EPM2A: variants seen among roughly 807,000 people sequenced by gnomAD.
EPM2A encodes the protein EPM2A glucan phosphatase, laforin, also known as laforin.
A neutral mutation model predicts 26.5 loss-of-function variants in EPM2A; 21 were observed. The observed-to-expected ratio is 0.79, with a 90% CI of 0.56 to 1.14. The LOEUF (loss-of-function observed/expected upper bound fraction) is 1.14. Among genes scored for constraint, EPM2A ranks in the 50% most tolerant of loss-of-function variants. The pLI, the probability that EPM2A is intolerant of heterozygous loss-of-function variation, is 0.00. For missense variants in EPM2A, 458 were observed against 440.8 expected (o/e 1.04, Z -0.35); for synonymous variants, 217 against 177.6 (o/e 1.22, Z -1.76).
chr6:145,697,948 G>C (rs972951061), intron 1 of EPM2A, among the ~76,000 whole-genome samples: 3 of 152,202 alleles, frequency 2.0e-5, no homozygotes, highest in Admixed American at 2.0e-4. Flanking sequence ...GATTAAGAAA[G>C]TAAAGACAGG....
intron 3 of EPM2A, among the ~76,000 whole-genome samples, chr6:145,633,392 G>A (rs1776412491): frequency 6.6e-6 from 1 of 152,184 alleles, no homozygotes; most frequent in African/African-American, 2.4e-5. Flanking sequence ...CAACCAATGT[G>A]CATCTTCGCA....
chr6:145,406,869 G>A (rs1189480312), intron 4 of EPM2A, among the ~76,000 whole-genome samples: 1 of 152,098 alleles, frequency 6.6e-6, no homozygotes, highest in Non-Finnish European at 1.5e-5. Context: ...TAGAAACTCT[G>A]GGAGTAGACA....
intron 4 of EPM2A, among the ~76,000 whole-genome samples, chr6:145,414,383 C>T (rs1372909621): frequency 6.6e-6 from 1 of 151,822 alleles, no homozygotes; most frequent in African/African-American, 2.4e-5. Flanking sequence ...GCACACATCT[C>T]CCCTGCCCTG....
At chr6:145,580,402 T>TC (rs1781096003) in intron 2 of EPM2A, among the ~76,000 whole-genome samples, 3 of 152,228 alleles carry the variant, frequency 2.0e-5, no homozygotes, top group Non-Finnish European at 2.9e-5. Flanking sequence ...CTCAGTCTGA[T>TC]ACTCTTGTAT....
At chr6:145,562,684 C>T (rs1330009173) in intron 2 of EPM2A, among the ~76,000 whole-genome samples, 2 of 152,042 alleles carry the variant, frequency 1.3e-5, no homozygotes, top group Non-Finnish European at 2.9e-5. Context: ...TCTGTGACAC[C>T]ATTTTCCTGT....
intron 4 of EPM2A, among the ~76,000 whole-genome samples, chr6:145,468,159 A>G (rs1213525547): frequency 1.3e-5 from 2 of 152,104 alleles, no homozygotes; most frequent in Non-Finnish European, 2.9e-5. Context: ...TCCTGACTAT[A>G]TGATAGCCTT....
chr6:145,735,650 C>T (rs879022065), upstream of EPM2A: 10 of 1,083,434 alleles, frequency 9.2e-6, no homozygotes, highest in South Asian at 2.7e-4. Context: ...CTTTGGGATG[C>T]ATCACGCGGC....
chr6:145,584,816 G>A (rs527273637), intron 2 of EPM2A, among the ~76,000 whole-genome samples: 28 of 152,238 alleles, frequency 1.8e-4, no homozygotes, highest in African/African-American at 6.3e-4. Flanking sequence ...CATTCTCAAT[G>A]CCTTCCCTCT....
At chr6:145,585,887 T>A (rs1300573519) in intron 2 of EPM2A, among the ~76,000 whole-genome samples, 1 of 152,238 alleles carries the variant, frequency 6.6e-6, no homozygotes, top group Non-Finnish European at 1.5e-5. Flanking sequence ...AAAACCCTTC[T>A]ACGTATTTAT....
chr6:145,704,422 T>G (rs2128627615), intron 1 of EPM2A, among the ~76,000 whole-genome samples: 1 of 152,308 alleles, frequency 6.6e-6, no homozygotes, highest in East Asian at 1.9e-4. Context: ...TTTGAAAAGA[T>G]TTTAAGAATT....
At chr6:145,663,407 G>A (rs564501175) in intron 2 of EPM2A, among the ~76,000 whole-genome samples, 48 of 152,308 alleles carry the variant, frequency 3.2e-4, no homozygotes, top group African/African-American at 1.0e-3. Flanking sequence ...TGCACGCACC[G>A]TGCGTGAGCC....
chr6:145,589,870 A>C (rs1228482295), intron 2 of EPM2A, among the ~76,000 whole-genome samples: 2 of 139,350 alleles, frequency 1.4e-5, no homozygotes, highest in Non-Finnish European at 3.1e-5. Context: ...GCAGGAGGCC[A>C]ATGAAAAGTT....
intron 2 of EPM2A, among the ~76,000 whole-genome samples, chr6:145,570,003 C>T (rs1217101991): frequency 1.3e-5 from 2 of 152,162 alleles, no homozygotes; most frequent in South Asian, 2.1e-4. Context: ...GGGCAGGAAG[C>T]ATCCAACACC....
intron 1 of EPM2A, among the ~76,000 whole-genome samples, chr6:145,689,733 T>G (rs1393455600): frequency 6.6e-6 from 1 of 152,198 alleles, no homozygotes; most frequent in Non-Finnish European, 1.5e-5. Flanking sequence ...AGGCCAAGCA[T>G]GGGTACACTT....
intron 2 of EPM2A, among the ~76,000 whole-genome samples, chr6:145,667,401 A>G (rs1779287716): frequency 6.8e-6 from 1 of 146,140 alleles, no homozygotes; most frequent in Non-Finnish European, 1.5e-5. Context: ...GCAGCCAAAA[A>G]ACACATGAAA....
At chr6:145,492,092 T>C (rs1049321006) in intron 4 of EPM2A, 1 of 249,406 alleles carries the variant, frequency 4.0e-6, no homozygotes, top group African/African-American at 2.3e-5. Flanking sequence ...TCAACCTCCA[T>C]GGCCATCAGG....
At chr6:145,700,384 T>C (rs945595210) in intron 1 of EPM2A, among the ~76,000 whole-genome samples, 2 of 152,138 alleles carry the variant, frequency 1.3e-5, no homozygotes, top group African/African-American at 2.4e-5. Flanking sequence ...TTTTCCTTCA[T>C]GGCACTCTCA....
intron 1 of EPM2A, among the ~76,000 whole-genome samples, chr6:145,718,842 C>G (rs1583119167): frequency 3.9e-5 from 6 of 152,150 alleles, no homozygotes; most frequent in Admixed American, 3.9e-4. Flanking sequence ...CAAAAGAAGA[C>G]ATTTATGCAG....
At chr6:145,529,642 C>G (rs546268157) in intron 2 of EPM2A, among the ~76,000 whole-genome samples, 3 of 152,262 alleles carry the variant, frequency 2.0e-5, no homozygotes, top group Admixed American at 2.0e-4. Context: ...GTGTGACTCT[C>G]TTGTGATATT....
Sources: allele counts gnomAD v4.1 joint callset (sites outside exome capture counted in the v4.1 genomes callset), GRCh38; gene constraint gnomAD v4.1.1; transcripts MANE v1.5; gene names NCBI Gene and HGNC (gene_info 2026-07-23, HGNC 2026-07-21).